The following USP43 variants were observed in gnomAD, a reference collection of about 807,000 sequenced individuals.
The protein encoded by USP43 is ubiquitin carboxyl-terminal hydrolase 43.
USP43 carries 33 observed loss-of-function variants against 90.7 expected under a neutral mutation model. The ratio of observed to expected loss-of-function variants is 0.36; its 90% CI spans 0.28 to 0.49. The LOEUF (loss-of-function observed/expected upper bound fraction) is 0.49. Among genes scored for constraint, USP43 ranks in the 20% least tolerant of loss-of-function variants. The probability of loss-of-function intolerance (pLI) is 0.98; values close to 1 mark genes in which losing one functional copy is unlikely to be tolerated. For missense variants in USP43, 1,274 were observed against 1,476.4 expected, an observed-to-expected ratio of 0.86 and a Z score of 2.25; for synonymous variants, 598 against 615.8, an observed-to-expected ratio of 0.97 and a Z score of 0.43.
intron 9 of USP43, 26 bp downstream of exon 9, chr17:9,693,256 C>A: frequency 6.4e-7 from 1 of 1,560,610 alleles, no homozygotes; most frequent in South Asian, 1.1e-5. Flanking sequence ...CAGGTTCAGT[C>A]AGCTAATGAA....
intron 2 of USP43, among the ~76,000 whole-genome samples, chr17:9,665,419 A>G (rs1376550534): frequency 6.6e-6 from 1 of 152,246 alleles, no homozygotes; most frequent in South Asian, 2.1e-4. Flanking sequence ...GGAAGCAGGC[A>G]CCGTCTTCAC....
rs577962082 is a variant in USP43 at position 9,678,722 on chromosome 17, T to TC, written c.970-1501dup. ...CTGTTTTCCTATTTTGTACCGCCCC[T>TC]CCCCCCCCATTTTTAGATTGAACAG... On this transcript the variant is annotated intron_variant, in intron 5 of 14. Transcript: ENST00000285199. Among the ~76,000 whole-genome samples, 537 of 149,088 alleles carry TC rather than the reference T, an allele frequency of 3.6e-3. 5 individuals carry two copies. The highest frequency in any genetic ancestry group is 0.014 in the Middle Eastern group (4 of 284).
At chr17:9,648,584 A>G (rs925023691) in intron 1 of USP43, among the ~76,000 whole-genome samples, 1 of 152,142 alleles carries the variant, frequency 6.6e-6, no homozygotes, top group African/African-American at 2.4e-5. Flanking sequence ...TGGGGTGGGC[A>G]GGGAAAGCTT....
At position 9,701,761 on chromosome 17, in the gene USP43, G is replaced by A. The variant is rs749520235; in HGVS notation, c.2011+61G>A. The A allele has an allele frequency of 6.2e-5, 88 of 1,409,094 alleles. No homozygotes were observed. The highest frequency in any genetic ancestry group is 8.1e-5 in the Non-Finnish European group (85 of 1,052,490). 87.3% of individuals were successfully genotyped at this position (1,409,094 alleles called of 1,614,324 possible). A position where few individuals can be genotyped will look rare whatever the true frequency, so the allele number is the denominator to read the frequency against. Reference sequence around the variant, plus strand: ...TGGCCACAGCCTCGAGATGTCCCTGGAATGGGTGTTGCTCAGATGCTGAGC... The same window carrying A: ...TGGCCACAGCCTCGAGATGTCCCTGAAATGGGTGTTGCTCAGATGCTGAGC... On this transcript the variant is annotated intron_variant, in intron 12 of 14. Transcript: ENST00000285199. The surrounding 1 kb of genome is among the most constrained non-coding windows in gnomAD (Gnocchi z 7.2).
intron 2 of USP43, among the ~76,000 whole-genome samples, chr17:9,665,547 G>T (rs1190252452): frequency 6.6e-6 from 1 of 152,138 alleles, no homozygotes. Context: ...CCGCCCCCAT[G>T]ATCCAATCAC....
At chr17:9,687,897 A>T (rs1914683653) in intron 8 of USP43, among the ~76,000 whole-genome samples, 1 of 152,250 alleles carries the variant, frequency 6.6e-6, no homozygotes, top group Non-Finnish European at 1.5e-5. Context: ...ACTCCTCTGC[A>T]AGTAGGTCAG....
intron 3 of USP43, among the ~76,000 whole-genome samples, chr17:9,667,136 C>T (rs577642648): frequency 7.9e-5 from 12 of 152,156 alleles, no homozygotes; most frequent in Middle Eastern, 3.4e-3. Context: ...GAGTTCCAAG[C>T]GTTATGGAGG....
Position 9,674,442 on chromosome 17 carries a change from C to A in USP43, c.741-449C>A, listed in dbSNP as rs1004687724. Among the ~76,000 whole-genome samples the A allele has an allele frequency of 6.6e-6, 1 of 152,180 alleles. No homozygotes were observed. The highest frequency in any genetic ancestry group is 1.5e-5 in the Non-Finnish European group (1 of 68,034). The stretch of plus-strand genomic sequence containing the variant: ...TCAGCCTCATCCTCCCTTCCCTCAG[C>A]TCCTGGCAACCACCAATTTGCTTTC... On this transcript the variant is annotated intron_variant, in intron 3 of 14. Transcript: ENST00000285199. This position sits in a 1 kb window ranked among gnomAD's most constrained non-coding sequence, Gnocchi z 4.4.
chr17:9,725,555 C>T (rs965835174), intron 14 of USP43, among the ~76,000 whole-genome samples: 2 of 152,154 alleles, frequency 1.3e-5, no homozygotes, highest in African/African-American at 4.8e-5. Context: ...TTATTAAAGC[C>T]ATCACTGTCT....
At chr17:9,663,300 CTTTT>C (rs67593846) in intron 2 of USP43, among the ~76,000 whole-genome samples, 2 of 141,334 alleles carry the variant, frequency 1.4e-5, no homozygotes. Context: ...TTTGGATGTT[CTTTT>C]TTTTTTTTTT....
intron 3 of USP43, among the ~76,000 whole-genome samples, chr17:9,667,879 C>G (rs1157441791): frequency 1.3e-5 from 2 of 152,098 alleles, no homozygotes; most frequent in African/African-American, 4.8e-5. Flanking sequence ...ATATTTTAAG[C>G]CTTACAAAAG....
At chr17:9,711,865 C>T in intron 13 of USP43, 103 bp from the exon 14 acceptor site, 2 of 1,313,290 alleles carry the variant, frequency 1.5e-6, no homozygotes, top group Non-Finnish European at 2.0e-6. Flanking sequence ...AGTTCTGGGG[C>T]TGAAGGATGG....
intron 14 of USP43, among the ~76,000 whole-genome samples, chr17:9,718,856 A>G (rs58704914): frequency 0.053 from 8,055 of 151,908 alleles, 306 homozygotes; most frequent in African/African-American, 0.1. Context: ...AAAGAAAAAG[A>G]AAAAAAGAAT....
rs890153113 is a variant in USP43 at position 9,729,093 on chromosome 17, G to A, written c.*103G>A. The A allele has an allele frequency of 9.7e-6, 12 of 1,239,504 alleles. No individual in the cohort carries two copies. Among genetic ancestry groups the A allele is most frequent in the Non-Finnish European group, 1.2e-5 (11 of 944,298 alleles). The allele number at this position is 1,239,504 out of a possible 1,614,324, so 76.8% of individuals were successfully genotyped here. On this transcript the variant is annotated 3_prime_UTR_variant, in exon 15 of 15. Coordinates refer to ENST00000285199, the MANE Select transcript of USP43 (RefSeq NM_153210.5). ...GGGTTTCCAGGAAACCCGTTGTCTT[G>A]TAATCTCTAAAAAAAAATTTTTTTT...
intron 14 of USP43, among the ~76,000 whole-genome samples, chr17:9,716,319 T>G (rs1916571154): frequency 1.3e-5 from 2 of 152,150 alleles, no homozygotes; most frequent in Admixed American, 6.6e-5. Context: ...GTAAGTAAAG[T>G]ATATTAATCC....
chr17:9,717,659 G>GTC (rs1193908064), intron 14 of USP43, among the ~76,000 whole-genome samples: 3 of 151,916 alleles, frequency 2.0e-5, no homozygotes, highest in African/African-American at 7.3e-5. Flanking sequence ...TGTCTGCACG[G>GTC]TCTCAGTGTG....
chr17:9,685,133 T>G (rs8066941), intron 7 of USP43, among the ~76,000 whole-genome samples: 41,884 of 152,002 alleles, frequency 0.28, 6,376 homozygotes, highest in East Asian at 0.63. Flanking sequence ...CATACAACAA[T>G]GGACGCACAG....
intron 8 of USP43, among the ~76,000 whole-genome samples, chr17:9,688,916 C>T (rs1914760198): frequency 1.3e-5 from 2 of 151,960 alleles, no homozygotes; most frequent in South Asian, 2.1e-4. Flanking sequence ...CTTGAACTCC[C>T]GGGCTCAGTT....
intron 8 of USP43, among the ~76,000 whole-genome samples, chr17:9,688,759 T>C (rs1271809803): frequency 6.6e-6 from 1 of 152,150 alleles, no homozygotes; most frequent in Non-Finnish European, 1.5e-5. Context: ...CGGTAATGGC[T>C]CACTGCATCT....
Sources: allele counts gnomAD v4.1 joint callset (sites outside exome capture counted in the v4.1 genomes callset), GRCh38; gene constraint gnomAD v4.1.1; non-coding constraint Gnocchi (gnomAD v3.1); transcripts MANE v1.5; gene names NCBI Gene and HGNC (gene_info 2026-07-23, HGNC 2026-07-21).